The following HS1BP3 variants were observed in gnomAD, a reference collection of about 807,000 sequenced individuals.
The protein encoded by HS1BP3 is HCLS1-binding protein 3.
A neutral mutation model predicts 33.5 loss-of-function variants in HS1BP3; 32 were observed. That is an observed-to-expected ratio of 0.95 (90% CI 0.72 to 1.28). HS1BP3 has a LOEUF of 1.28. Among genes scored for constraint, HS1BP3 ranks in the 50% most tolerant of loss-of-function variants. The pLI is 0.00. For synonymous variants in HS1BP3, 187 were observed against 209.2 expected (o/e 0.89, Z 0.92); for missense variants, 486 against 502.3 (o/e 0.97, Z 0.31).
intron 6 of HS1BP3, chr2:20,622,477 T>G: frequency 2.4e-6 from 1 of 423,054 alleles, no homozygotes; most frequent in East Asian, 7.2e-5. Flanking sequence ...CAGGGATGAA[T>G]GAGAACGTGA....
chr2:20,602,196 C>A (rs1694085563), intron 2 of HS1BP3, among the ~76,000 whole-genome samples: 1 of 151,182 alleles, frequency 6.6e-6, no homozygotes, highest in Non-Finnish European at 1.5e-5. Flanking sequence ...AACACATTCT[C>A]CTTTTAGGAG....
rs1363623965 is a variant in HS1BP3 at position 20,622,121 on chromosome 2, C to A, written c.920+1775G>T. On this transcript the variant is annotated intron_variant, in intron 6 of 6. Transcript: ENST00000304031. Reference sequence around the variant, plus strand: ...CTCGACCCGCTCAGTGTACACCCCACGCGGCCTCAGGGTGGCTGAGGCTAG... The same window carrying A: ...CTCGACCCGCTCAGTGTACACCCCAAGCGGCCTCAGGGTGGCTGAGGCTAG... The A allele has an allele frequency of 1.3e-5, 16 of 1,195,386 alleles. No individual in the cohort carries two copies. In the East Asian group the frequency reaches 8.6e-4, roughly 65 times the overall value. 74.0% of individuals were successfully genotyped at this position (1,195,386 alleles called of 1,614,324 possible).
chr2:20,633,952 C>T (rs534146144), intron 4 of HS1BP3, among the ~76,000 whole-genome samples: 1 of 152,396 alleles, frequency 6.6e-6, no homozygotes, highest in Admixed American at 6.5e-5. Flanking sequence ...TCCTCCTTTC[C>T]TTATGGCTTT....
intron 5 of HS1BP3, among the ~76,000 whole-genome samples, chr2:20,561,683 A>G (rs1693001382): frequency 6.6e-6 from 1 of 152,200 alleles, no homozygotes; most frequent in African/African-American, 2.4e-5. Flanking sequence ...GCACACTCCC[A>G]GGACCCCTGC....
chr2:20,639,777 T>C (rs1463277676), intron 3 of HS1BP3, among the ~76,000 whole-genome samples: 1 of 152,230 alleles, frequency 6.6e-6, no homozygotes, highest in Non-Finnish European at 1.5e-5. Flanking sequence ...GTTTCTATCC[T>C]GCCTCTCCAC....
intron 4 of HS1BP3, chr2:20,635,968 G>C (rs1428086480): frequency 2.0e-5 from 3 of 152,238 alleles, no homozygotes; most frequent in African/African-American, 7.2e-5. Flanking sequence ...CCGTGGAGCA[G>C]CCCTTCAGCA....
intron 5 of HS1BP3, among the ~76,000 whole-genome samples, chr2:20,578,116 G>C (rs1314160271): frequency 1.3e-5 from 2 of 152,224 alleles, no homozygotes; most frequent in African/African-American, 4.8e-5. Context: ...GCAACTTGCT[G>C]ATCCCTGGCA....
Position 20,580,527 on chromosome 2 carries a change from GAAAAA to G in HS1BP3, c.303-20017_303-20013del, listed in dbSNP as rs148402645. 1.3e-5 allele frequency among the ~76,000 whole-genome samples: 2 copies of G among 149,042 alleles called. 1 individual carries two copies. Among genetic ancestry groups the G allele is most frequent in the African/African-American group, 4.9e-5 (2 of 40,552 alleles). ...GAGCGAGACTCTGTCTCCAAAAAAA[GAAAAA>G]AAAAGAAAAGAAACTTTGGTGGGGT... On this transcript the variant is annotated intron_variant, in intron 5 of 5. Coordinates refer to the HS1BP3 transcript ENST00000446825.
chr2:20,561,110 C>T (rs369404646), intron 5 of HS1BP3, among the ~76,000 whole-genome samples: 2 of 152,196 alleles, frequency 1.3e-5, no homozygotes, highest in Admixed American at 6.5e-5. Flanking sequence ...ATGCCTGCCT[C>T]GTCATGCCTC....
intron 4 of HS1BP3, among the ~76,000 whole-genome samples, chr2:20,632,764 C>T (rs975946795): frequency 3.3e-5 from 5 of 152,192 alleles, no homozygotes; most frequent in African/African-American, 1.2e-4. Flanking sequence ...CAGGCTCCTT[C>T]CTCCAGGGCC....
At position 20,611,233 on chromosome 2, in the gene HS1BP3, G is replaced by A. The variant is rs374400877; in HGVS notation, c.178+12663C>T. Reference sequence around the variant, plus strand: ...GATATTTGGGTTGTTTCCTTTGGGGGAGGAACCCTTATGAATAATGTTGCT... The same window carrying A: ...GATATTTGGGTTGTTTCCTTTGGGGAAGGAACCCTTATGAATAATGTTGCT... On this transcript the variant is annotated intron_variant, in intron 2 of 3. Coordinates refer to the HS1BP3 transcript ENST00000415264. This position sits in a 1 kb window ranked among gnomAD's most constrained non-coding sequence, Gnocchi z 4.9. Among the ~76,000 whole-genome samples, 54 of 152,340 alleles carry A rather than the reference G, an allele frequency of 3.5e-4. No homozygotes were observed. The South Asian group carries it at 0.011, about 31-fold the overall frequency.
At chr2:20,647,854 A>T (rs1412053012) in intron 1 of HS1BP3, among the ~76,000 whole-genome samples, 1 of 152,148 alleles carries the variant, frequency 6.6e-6, no homozygotes, top group African/African-American at 2.4e-5. Flanking sequence ...TAATATGCAG[A>T]TTCTGGTTCT....
chr2:20,593,316 C>T (rs868146465), intron 3 of HS1BP3, among the ~76,000 whole-genome samples: 1 of 152,160 alleles, frequency 6.6e-6, no homozygotes, highest in African/African-American at 2.4e-5. Context: ...TCACACGTGC[C>T]GGCCTTCTCC....
At chr2:20,639,016 G>A (rs1438974481) in intron 3 of HS1BP3, among the ~76,000 whole-genome samples, 2 of 152,254 alleles carry the variant, frequency 1.3e-5, no homozygotes, top group African/African-American at 4.8e-5. Flanking sequence ...CCTCCCGGGT[G>A]AGCGGTGGGA....
At chr2:20,642,375 G>T (rs1695380401) in intron 2 of HS1BP3, among the ~76,000 whole-genome samples, 1 of 151,718 alleles carries the variant, frequency 6.6e-6, no homozygotes, top group East Asian at 1.9e-4. Flanking sequence ...GGGGATTTCA[G>T]AACCTCCAGT....
chr2:20,629,026 G>C (rs1379991055), intron 4 of HS1BP3, among the ~76,000 whole-genome samples: 1 of 152,208 alleles, frequency 6.6e-6, no homozygotes, highest in African/African-American at 2.4e-5. Context: ...GGTGGTGCGA[G>C]GGGAAGACAG....
chr2:20,568,548 TG>T (rs1452393814), intron 5 of HS1BP3, among the ~76,000 whole-genome samples: 3 of 151,546 alleles, frequency 2.0e-5, no homozygotes, highest in Non-Finnish European at 2.9e-5. Context: ...GCCCTTTGTC[TG>T]GGGACTAGAC....
At chr2:20,640,627 T>C (rs1459249135) in intron 3 of HS1BP3, 2 of 483,732 alleles carry the variant, frequency 4.1e-6, no homozygotes, top group African/African-American at 2.0e-5. Flanking sequence ...CAGAGGGGAG[T>C]GTGGGGTGTG....
At chr2:20,603,144 C>G (rs1318360042) in intron 2 of HS1BP3, among the ~76,000 whole-genome samples, 1 of 152,088 alleles carries the variant, frequency 6.6e-6, no homozygotes, top group African/African-American at 2.4e-5. Context: ...TAAGATGGCA[C>G]AATTACTTTA....
Sources: allele counts gnomAD v4.1 joint callset (sites outside exome capture counted in the v4.1 genomes callset), GRCh38; gene constraint gnomAD v4.1.1; non-coding constraint Gnocchi (gnomAD v3.1); transcripts MANE v1.5; gene names NCBI Gene and HGNC (gene_info 2026-07-23, HGNC 2026-07-21).